The following MAP7 variants were observed in gnomAD, a reference collection of about 807,000 sequenced individuals.
MAP7 encodes the protein ensconsin.
A neutral mutation model predicts 94.8 loss-of-function variants in MAP7; 52 were observed. That is an observed-to-expected ratio of 0.55 (90% confidence interval 0.44 to 0.69). The LOEUF is 0.69. Ranked by LOEUF, MAP7 falls within the 30% of genes least tolerant of loss-of-function variation. The probability of loss-of-function intolerance (pLI) is 0.00; values close to 1 mark genes in which losing one functional copy is unlikely to be tolerated. For synonymous variants in MAP7, 350 were observed against 357.0 expected (o/e 0.98, Z 0.22); for missense variants, 940 against 964.6 (o/e 0.97, Z 0.34).
intron 1 of MAP7, among the ~76,000 whole-genome samples, chr6:136,478,789 A>G (rs999365050): frequency 1.3e-5 from 2 of 152,028 alleles, no homozygotes; most frequent in Non-Finnish European, 2.9e-5. Flanking sequence ...TAATGAGATC[A>G]AAGTAATAAT....
At chr6:136,359,791 A>T (rs1254244928) in intron 15 of MAP7, 29 bp downstream of exon 15, 1 of 1,596,176 alleles carries the variant, frequency 6.3e-7, no homozygotes, top group East Asian at 2.2e-5. Context: ...TTTATATATA[A>T]ATTGGTTTGA....
intron 1 of MAP7, among the ~76,000 whole-genome samples, chr6:136,458,931 C>G (rs1243132770): frequency 6.6e-6 from 1 of 151,932 alleles, no homozygotes; most frequent in Non-Finnish European, 1.5e-5. Context: ...GGCTTCTGCA[C>G]AGCAAAGAAA....
At position 136,550,365 on chromosome 6, in the gene MAP7, TCGC is replaced by T. The variant is rs1391518263; in HGVS notation, c.41_43del (p.Gly14del). 1.7e-5 allele frequency: 26 copies of T among 1,529,528 alleles called. No individual in the cohort carries two copies. The highest frequency in any genetic ancestry group is 2.1e-5 in the Non-Finnish European group (24 of 1,146,632). The allele number at this position is 1,529,528 out of a possible 1,614,324, so 94.7% of individuals were successfully genotyped here. A position where few individuals can be genotyped will look rare whatever the true frequency, so the allele number is the denominator to read the frequency against. The stretch of plus-strand genomic sequence containing the variant: ...ACCTGTTTCGCTTCGCACTGCGCCG[TCGC>T]CGCCCCTGTGGCCGTCGCCGCCAGC... On this transcript the variant is annotated inframe_deletion, in exon 1 of 18. Transcript: ENST00000354570. This position sits in a 1 kb window ranked among gnomAD's most constrained non-coding sequence, Gnocchi z 5.1.
intron 1 of MAP7, among the ~76,000 whole-genome samples, chr6:136,461,630 C>T (rs761449220): frequency 7.9e-5 from 12 of 152,196 alleles, no homozygotes; most frequent in Non-Finnish European, 1.3e-4. Flanking sequence ...GGTTACGATC[C>T]AGAAATGGAT....
At chr6:136,450,896 C>T (rs1800912878) in intron 1 of MAP7, among the ~76,000 whole-genome samples, 1 of 152,136 alleles carries the variant, frequency 6.6e-6, no homozygotes, top group African/African-American at 2.4e-5. Flanking sequence ...TCAGGGAATT[C>T]CACCTCAAAA....
intron 1 of MAP7, among the ~76,000 whole-genome samples, chr6:136,456,691 G>T: frequency 7.0e-6 from 1 of 142,496 alleles, no homozygotes; most frequent in Non-Finnish European, 1.5e-5. Flanking sequence ...AAAGAAGAAA[G>T]AAGAAAGAAG....
intron 1 of MAP7, among the ~76,000 whole-genome samples, chr6:136,478,123 C>T (rs887563332): frequency 6.6e-6 from 1 of 152,106 alleles, no homozygotes; most frequent in Non-Finnish European, 1.5e-5. Context: ...ATACCAAAAC[C>T]TATAGGATAC....
intron 1 of MAP7, among the ~76,000 whole-genome samples, chr6:136,423,986 C>T (rs951148094): frequency 5.3e-5 from 8 of 151,698 alleles, no homozygotes; most frequent in East Asian, 1.9e-4. Flanking sequence ...TTAATAGAGA[C>T]GGGGTTTCTC....
intron 1 of MAP7, among the ~76,000 whole-genome samples, chr6:136,486,328 C>A (rs897481191): frequency 6.6e-6 from 1 of 152,154 alleles, no homozygotes; most frequent in Admixed American, 6.5e-5. Flanking sequence ...AAAGCAAGAA[C>A]AGGACAGAAG....
intron 1 of MAP7, among the ~76,000 whole-genome samples, chr6:136,469,592 G>T (rs919569435): frequency 5.9e-5 from 9 of 151,984 alleles, no homozygotes; most frequent in Non-Finnish European, 8.8e-5. Context: ...TTGCCATGTT[G>T]CCCAGGCTGG....
At chr6:136,401,005 C>A (rs1325320666) in intron 3 of MAP7, among the ~76,000 whole-genome samples, 2 of 152,184 alleles carry the variant, frequency 1.3e-5, no homozygotes, top group African/African-American at 4.8e-5. Context: ...ATGCATGGTG[C>A]ACCCTAACTC....
At chr6:136,424,327 TA>T (rs5880295) in intron 1 of MAP7, among the ~76,000 whole-genome samples, 115,611 of 143,708 alleles carry the variant, frequency 0.8, 46,314 homozygotes, top group South Asian at 0.86. Context: ...TTCTTTCATT[TA>T]AAAAAAAAAA....
At chr6:136,488,372 A>C (rs1398861138) in intron 1 of MAP7, among the ~76,000 whole-genome samples, 1 of 152,160 alleles carries the variant, frequency 6.6e-6, no homozygotes, top group Admixed American at 6.5e-5. Context: ...TTTGTTTATA[A>C]AAGAAAAAAT....
rs1814337975 is a variant in MAP7, at chr6:136,485,464, A to C, written c.68-63665T>G. Among the ~76,000 whole-genome samples, 7 of 152,136 alleles carry C rather than the reference A, an allele frequency of 4.6e-5. No homozygotes were observed. The South Asian group carries it at 1.5e-3, about 32-fold the overall frequency. ...GTACCAGGATAAGCACATTAATTGG[A>C]AATTTAGGGGAAATCAAATTTAGAG... On this transcript the variant is annotated intron_variant, in intron 1 of 17. Coordinates refer to ENST00000354570, the MANE Select transcript of MAP7 (RefSeq NM_003980.6).
intron 1 of MAP7, among the ~76,000 whole-genome samples, chr6:136,446,414 T>C (rs1799375755): frequency 6.6e-6 from 1 of 151,918 alleles, no homozygotes; most frequent in Admixed American, 6.6e-5. Flanking sequence ...CATCCAGGAG[T>C]TTCCACATGT....
At chr6:136,479,257 C>A (rs1012198826) in intron 1 of MAP7, among the ~76,000 whole-genome samples, 16 of 152,162 alleles carry the variant, frequency 1.1e-4, no homozygotes, top group African/African-American at 2.6e-4. Flanking sequence ...AAATAAAAAA[C>A]CACATAATTA....
intron 3 of MAP7, among the ~76,000 whole-genome samples, chr6:136,411,243 T>C (rs537897663): frequency 1.2e-4 from 19 of 152,344 alleles, no homozygotes; most frequent in African/African-American, 4.6e-4. Flanking sequence ...ATAAGTTCAA[T>C]GGCAGCATTA....
chr6:136,378,642 A>G (rs1329538256), intron 6 of MAP7, among the ~76,000 whole-genome samples: 1 of 152,218 alleles, frequency 6.6e-6, no homozygotes, highest in Non-Finnish European at 1.5e-5. Flanking sequence ...AGAAGTCTAG[A>G]AAACAAATTT....
At chr6:136,532,158 C>G (rs1193907787) in intron 1 of MAP7, among the ~76,000 whole-genome samples, 3 of 152,204 alleles carry the variant, frequency 2.0e-5, no homozygotes, top group Non-Finnish European at 2.9e-5. Context: ...ACAACAAGCT[C>G]ACTAAACATC....
Sources: allele counts gnomAD v4.1 joint callset (sites outside exome capture counted in the v4.1 genomes callset), GRCh38; gene constraint gnomAD v4.1.1; non-coding constraint Gnocchi (gnomAD v3.1); transcripts MANE v1.5; gene names NCBI Gene and HGNC (gene_info 2026-07-23, HGNC 2026-07-21).